FASN: variants seen among roughly 807,000 people sequenced by gnomAD.
The protein encoded by FASN is 3-hydroxyacyl-[acyl-carrier-protein] dehydratase.
In FASN, 50 loss-of-function variants were observed where a neutral mutation model predicts 250.0. The observed-to-expected ratio is 0.20, with a 90% CI of 0.16 to 0.25. The LOEUF is 0.25. Among genes scored for constraint, FASN ranks in the 10% least tolerant of loss-of-function variants. FASN has a pLI of 1.00. For missense variants in FASN, 3,031 were observed against 3,498.5 expected (o/e 0.87, Z 3.37); for synonymous variants, 1,909 against 1,584.0 (o/e 1.21, Z -4.87).
chr17:82,086,455 T>C lies in FASN; in HGVS notation c.3531A>G (p.Glu1177=), dbSNP rs2034102204. The C allele has an allele frequency of 6.2e-7, 1 of 1,612,216 alleles. No homozygotes were observed. The highest frequency in any genetic ancestry group is 1.1e-5 in the South Asian group (1 of 91,076). ...AGGCAGCCGACAACAGCCGGGGCAGTTCCTGCTGTGAGGGGTCCCGGGGGA... is the reference window on the plus strand; with the variant it reads ...AGGCAGCCGACAACAGCCGGGGCAGCTCCTGCTGTGAGGGGTCCCGGGGGA... ...AQIPRDPSQQ[E]LPRLLSAACR... is the part of the protein sequence containing the mutation. The change falls in exon 22 of 43, where the codon GAA becomes GAG. Residue 1177 remains glutamate, a synonymous_variant. Coordinates refer to ENST00000306749, the MANE Select transcript of FASN (RefSeq NM_004104.5).
rs1231769280 is a variant in FASN at position 82,095,538 on chromosome 17, G to A, written c.128-66C>T. 5 of 1,586,196 alleles carry A rather than the reference G, an allele frequency of 3.2e-6. No individual in the cohort carries two copies. The African/African-American group carries it at 4.0e-5, about 13-fold the overall frequency. On this transcript the variant is annotated intron_variant, in intron 2 of 42. Coordinates refer to ENST00000306749, the MANE Select transcript of FASN (RefSeq NM_004104.5). ...CCCAGAGGTGGGGGCCCTGTGGGGTGCTGCAGGCCCCTGGAGGGGCCATGG... is the reference window on the plus strand; with the variant it reads ...CCCAGAGGTGGGGGCCCTGTGGGGTACTGCAGGCCCCTGGAGGGGCCATGG...
At position 82,078,867 on chromosome 17, in the gene FASN, C is replaced by T. The variant is rs976907017; in HGVS notation, c.*276G>A. ...ACCAAGCGCAGACCCCACGGGCGCA[C>T]GAGGCCCAGCCCAGTTCCTGCGGGC... On this transcript the variant is annotated 3_prime_UTR_variant, in exon 43 of 43. Transcript: ENST00000306749. The surrounding 1 kb of genome is among the most constrained non-coding windows in gnomAD (Gnocchi z 5.4). The T allele has an allele frequency of 6.7e-5, 38 of 567,738 alleles. No homozygotes were observed. The highest frequency in any genetic ancestry group is 5.4e-4 in the South Asian group (27 of 50,162). The allele number at this position is 567,738 out of a possible 1,614,324, so 35.2% of individuals were successfully genotyped here. A position where few individuals can be genotyped will look rare whatever the true frequency, so the allele number is the denominator to read the frequency against.
chr17:82,090,841 T>C, intron 10 of FASN, 41 bp downstream of exon 10: 1 of 1,551,360 alleles, frequency 6.4e-7, no homozygotes, highest in East Asian at 2.4e-5. Flanking sequence ...GCCAGAGCCC[T>C]GGGGCTGGCG....
intron 5 of FASN, 29 bp from the exon 6 acceptor site, chr17:82,093,048 G>A (rs1319546999): frequency 1.2e-6 from 2 of 1,609,664 alleles, no homozygotes; most frequent in African/African-American, 1.3e-5. Flanking sequence ...CAGGCCCGGG[G>A]CTCAGCCCCA....
intron 16 of FASN, 33 bp from the exon 17 acceptor site, chr17:82,088,340 G>C (rs1054935632): frequency 3.7e-6 from 6 of 1,609,992 alleles, no homozygotes; most frequent in Non-Finnish European, 5.1e-6. Context: ...GCACAGAGCG[G>C]GCGTCTGTGG....
intron 3 of FASN, 73 bp downstream of exon 3, chr17:82,095,244 CAAG>C: frequency 1.3e-6 from 2 of 1,539,802 alleles, no homozygotes; most frequent in East Asian, 2.2e-5. Flanking sequence ...CTACCAGAAC[CAAG>C]AAGAGAAAAC....
chr17:82,079,563 C>A lies in FASN; in HGVS notation c.7192G>T (p.Ala2398Ser), dbSNP rs200842352. ...TTGATGATCAGGTCCACGGCGGCTG[C>A]CACACGCTCCTCTAGGCCCTTCAGC... is the stretch of plus-strand genomic sequence containing the variant. The part of the protein sequence containing the change: ...LPLKGLEERV[A>S]AAVDLIIKSH... The change falls in exon 42 of 43, where the codon GCA becomes TCA. Residue 2398 changes from alanine (A) to serine (S), a missense_variant. Ala to Ser is a moderately conservative substitution (Grantham distance 99). Transcript: ENST00000306749. 1.8e-4 allele frequency: 295 copies of A among 1,605,828 alleles called. 1 individual carries two copies. In the East Asian group the frequency reaches 5.5e-3, roughly 30 times the overall value.
chr17:82,092,609 T>A lies in FASN; in HGVS notation c.895-20A>T. The A allele has an allele frequency of 7.4e-7, 1 of 1,355,136 alleles. No homozygotes were observed. Among genetic ancestry groups the A allele is most frequent in the Non-Finnish European group, 9.7e-7 (1 of 1,031,314 alleles). 83.9% of individuals were successfully genotyped at this position (1,355,136 alleles called of 1,614,324 possible). On this transcript the variant is annotated intron_variant, in intron 7 of 42. Coordinates refer to ENST00000306749, the MANE Select transcript of FASN (RefSeq NM_004104.5). ...GCCCACCTGTGGGAAACATGGGGGGTGAGGGGCTCTGGCCAGGTCACCTCT... is the reference window on the plus strand; with the variant it reads ...GCCCACCTGTGGGAAACATGGGGGGAGAGGGGCTCTGGCCAGGTCACCTCT...
chr17:82,087,943 G>A lies in FASN; in HGVS notation c.2866+11C>T. On this transcript the variant is annotated intron_variant, in intron 18 of 42. Coordinates refer to ENST00000306749, the MANE Select transcript of FASN (RefSeq NM_004104.5). ...AGCCTCCGCAGCTCCCGTGCCACCG[G>A]CCCTGCTTACCACTCACTACCAGGT... 2 of 1,612,634 alleles carry A rather than the reference G, an allele frequency of 1.2e-6. No individual in the cohort carries two copies. Among genetic ancestry groups the A allele is most frequent in the Middle Eastern group, 3.3e-4 (2 of 6,062 alleles).
In FASN at chr17:82,088,521, A is replaced by T. The variant is rs762890391; in HGVS notation, c.2462T>A (p.Phe821Tyr). ...NPNALFPPVE[F>Y]PAPRGTPLIS... ...GAGGGGAGTTCCTCGGGGAGCTGGG[A>T]ACTCCACAGGTGGGAACAAGGCATT... Residue 821 changes from phenylalanine (F) to tyrosine (Y), a missense_variant, in exon 16 of 43, where the codon TTC (phenylalanine) becomes TAC (tyrosine). By Grantham distance (22) the Phe-to-Tyr change is conservative. Coordinates refer to ENST00000306749, the MANE Select transcript of FASN (RefSeq NM_004104.5). The T allele has an allele frequency of 6.2e-7, 1 of 1,608,034 alleles. No homozygotes were observed. Among genetic ancestry groups the T allele is most frequent in the Non-Finnish European group, 8.5e-7 (1 of 1,176,518 alleles).
chr17:82,081,451 C>T (rs2033985707), intron 37 of FASN, 99 bp from the exon 38 acceptor site: 1 of 1,570,778 alleles, frequency 6.4e-7, no homozygotes, highest in African/African-American at 1.3e-5. Context: ...TGTGCATCTC[C>T]CAAAGCACCA....
Position 82,090,501 on chromosome 17 carries a change from G to A in FASN, c.1744C>T (p.Leu582=). ...GCGTAGCCACAGGCCACCTCCCCCA[G>A]GGAGTGGCCGACGATGCCATCTGGC... The part of the protein sequence containing the change: ...LRPDGIVGHS[L]GEVACGYADG... Residue 582 remains leucine, a synonymous_variant, in exon 11 of 43, where the codon CTG becomes TTG. Coordinates refer to ENST00000306749, the MANE Select transcript of FASN (RefSeq NM_004104.5). The A allele has an allele frequency of 6.2e-7, 1 of 1,611,390 alleles. No individual in the cohort carries two copies. The highest frequency in any genetic ancestry group is 8.5e-7 in the Non-Finnish European group (1 of 1,179,480).
In FASN at chr17:82,085,298, C is replaced by T. The variant is rs1420506507; in HGVS notation, c.4227G>A (p.Gln1409=). ...CCACCGGCAGGAAGATGGGGCTGTC[C>T]TGCGGGGTGGGCCGGCGGCACAGGA... The part of the protein sequence containing the change: ...TLFLCRRPTP[Q]DSPIFLPVDD... The change falls in exon 24 of 43, where the codon CAG becomes CAA. Residue 1409 remains glutamine (Q), a synonymous_variant. Coordinates refer to ENST00000306749, the MANE Select transcript of FASN (RefSeq NM_004104.5). 2.5e-6 allele frequency: 4 copies of T among 1,611,282 alleles called. No homozygotes were observed. In the Admixed American group the frequency reaches 6.7e-5, roughly 27 times the overall value.
Position 82,079,608 on chromosome 17 carries a change from C to T in FASN, c.7147G>A (p.Val2383Met). The change falls in exon 42 of 43, where the codon GTG (valine) becomes ATG (methionine). Residue 2383 changes from valine to methionine, a missense_variant and splice_region_variant. Physicochemically the swap from Val to Met is conservative, Grantham distance 21 (BLOSUM62 1). Coordinates refer to ENST00000306749, the MANE Select transcript of FASN (RefSeq NM_004104.5). ...QQFTDMEHNR[V>M]LEALLPLKGL... ...TTCAGCGGCAGCAGCGCCTCCAGCACCTGTGGGGTCGGGCTCTGAGCAGGT... is the reference window on the plus strand; with the variant it reads ...TTCAGCGGCAGCAGCGCCTCCAGCATCTGTGGGGTCGGGCTCTGAGCAGGT... 1.9e-6 allele frequency: 3 copies of T among 1,599,318 alleles called. No individual in the cohort carries two copies. The highest frequency in any genetic ancestry group is 2.5e-6 in the Non-Finnish European group (3 of 1,179,682).
In FASN at chr17:82,084,072, G is replaced by A. The variant is rs368052188; in HGVS notation, c.5001C>T (p.Pro1667=). The A allele has an allele frequency of 2.2e-4, 346 of 1,552,934 alleles. 2 individuals carry two copies. The South Asian group carries it at 2.9e-3, about 13-fold the overall frequency. ...YALVVRGRVR[P]GETLLIHSGS... ...CCGAGTGGATGAGCAGCGTCTCCCC[G>A]GGGCGCACCCGCCCACGCACCACCA... Residue 1667 remains proline, a synonymous_variant, in exon 29 of 43, where the codon CCC becomes CCT. Transcript: ENST00000306749.
chr17:82,081,444 G>T, intron 37 of FASN, 92 bp from the exon 38 acceptor site: 4 of 1,568,486 alleles, frequency 2.6e-6, no homozygotes, highest in Non-Finnish European at 3.5e-6. Context: ...CGTGGGCTGT[G>T]CATCTCCCAA....
At chr17:82,089,513 G>T in intron 12 of FASN, 119 bp downstream of exon 12, 2 of 1,557,488 alleles carry the variant, frequency 1.3e-6, no homozygotes, top group Non-Finnish European at 8.7e-7. Context: ...GGACAAACCT[G>T]CCCCATGCCC....
rs770753805 is a variant in FASN, at chr17:82,082,015, G to A, written c.6157C>T (p.Leu2053Phe). 3 of 1,608,132 alleles carry A rather than the reference G, an allele frequency of 1.9e-6. No homozygotes were observed. The highest frequency in any genetic ancestry group is 2.2e-5 in the East Asian group (1 of 44,878). ...GGGAGAGGGTGGGGCCCACCTGGGA[G>A]GCCTTCGTGCCGGCGTTTCTCACAG... ...RICEKRRHEGLPGLAVQWGAI... is the reference protein window; with the variant it reads ...RICEKRRHEGFPGLAVQWGAI... Residue 2053 changes from leucine to phenylalanine, a missense_variant, in exon 36 of 43, where the codon CTC (leucine) becomes TTC (phenylalanine). Leu to Phe is a conservative substitution (Grantham distance 22, BLOSUM62 0). Transcript: ENST00000306749.
At chr17:82,095,683 C>T (rs2034291583) in intron 2 of FASN, among the ~76,000 whole-genome samples, 1 of 152,204 alleles carries the variant, frequency 6.6e-6, no homozygotes, top group Non-Finnish European at 1.5e-5. Context: ...GCACAAGCCC[C>T]AAGCCCCAAG....
Sources: gnomAD v4.1 joint callset for allele counts (sites outside exome capture counted in the v4.1 genomes callset) on GRCh38, gnomAD v4.1.1 for gene constraint, Gnocchi (gnomAD v3.1) non-coding constraint, MANE v1.5 for transcripts, NCBI Gene and HGNC (gene_info 2026-07-23, HGNC 2026-07-21) for gene names.